PAMR1: variants seen among roughly 807,000 people sequenced by gnomAD.
PAMR1 encodes the protein peptidase domain containing associated with muscle regeneration 1.
Under a neutral mutation model 81.8 loss-of-function variants are expected in PAMR1, and 88 were observed. That is an observed-to-expected ratio of 1.08 (90% CI 0.91 to 1.28). PAMR1 has a LOEUF of 1.28. PAMR1 is among the 50% of genes most tolerant of loss of function. The pLI is 0.00. For synonymous variants in PAMR1, 336 were observed against 345.3 expected (o/e 0.97, Z 0.30); for missense variants, 935 against 919.7 (o/e 1.02, Z -0.21).
chr11:35,457,671 T>C (rs948928051), intron 6 of PAMR1, among the ~76,000 whole-genome samples: 1 of 152,134 alleles, frequency 6.6e-6, no homozygotes, highest in Non-Finnish European at 1.5e-5. Flanking sequence ...TGAGTGCAAG[T>C]AGTTCATTTA....
At position 35,449,132 on chromosome 11, in the gene PAMR1, G is replaced by A. The variant is rs539170645; in HGVS notation, c.821-7439C>T. 4.1e-4 allele frequency among the ~76,000 whole-genome samples: 63 copies of A among 152,356 alleles called. 1 individual carries two copies. The highest frequency in any genetic ancestry group is 1.5e-3 in the African/African-American group (62 of 41,588). On this transcript the variant is annotated intron_variant, in intron 6 of 10. Coordinates refer to ENST00000619888, the MANE Select transcript of PAMR1 (RefSeq NM_001001991.3). The stretch of plus-strand genomic sequence containing the variant: ...AGTCAGGAGGCACGATCAGGGACCT[G>A]CTTAATGAAGCAATCTGGCTGCCCC...
chr11:35,492,025 C>T lies in PAMR1; in HGVS notation c.379+20G>A, dbSNP rs550418485. 4 of 1,601,334 alleles carry T rather than the reference C, an allele frequency of 2.5e-6. No individual in the cohort carries two copies. Among genetic ancestry groups the T allele is most frequent in the African/African-American group, 2.7e-5 (2 of 74,500 alleles). ...AAGACAGTGTGCACTAGAGATGGAG[C>T]TAGGTCAAGGTCTACTTACGCATGC... On this transcript the variant is annotated intron_variant, in intron 3 of 10. Transcript: ENST00000619888.
intron 1 of PAMR1, among the ~76,000 whole-genome samples, chr11:35,519,059 C>T (rs1851222283): frequency 6.6e-6 from 1 of 152,228 alleles, no homozygotes; most frequent in South Asian, 2.1e-4. Flanking sequence ...GATAAAGATG[C>T]CCAGACTGCA....
chr11:35,495,786 T>C (rs2135403413), intron 1 of PAMR1, among the ~76,000 whole-genome samples: 1 of 152,326 alleles, frequency 6.6e-6, no homozygotes, highest in East Asian at 1.9e-4. Flanking sequence ...AGTAGAGCCA[T>C]TTAAATAAAC....
chr11:35,512,770 A>C (rs1170120460), intron 1 of PAMR1, among the ~76,000 whole-genome samples: 1 of 152,156 alleles, frequency 6.6e-6, no homozygotes, highest in Non-Finnish European at 1.5e-5. Flanking sequence ...AAGCTGGAGG[A>C]TCTCTTGAGC....
At chr11:35,504,712 G>T in intron 1 of PAMR1, among the ~76,000 whole-genome samples, 1 of 151,802 alleles carries the variant, frequency 6.6e-6, no homozygotes, top group Non-Finnish European at 1.5e-5. Context: ...TGTTTCTGTG[G>T]TCTTGGTTAT....
At chr11:35,497,908 A>G (rs936960954) in intron 1 of PAMR1, among the ~76,000 whole-genome samples, 75 of 152,308 alleles carry the variant, frequency 4.9e-4, no homozygotes, top group African/African-American at 1.7e-3. Flanking sequence ...TCATATTTTC[A>G]AAGGCTGAGA....
intron 8 of PAMR1, among the ~76,000 whole-genome samples, chr11:35,436,629 GTCTC>G (rs1047082583): frequency 4.2e-5 from 6 of 142,736 alleles, no homozygotes; most frequent in Non-Finnish European, 9.2e-5. Flanking sequence ...CTCTCTTTCT[GTCTC>G]TCTGTTTCTC....
chr11:35,454,084 C>T (rs964805795), intron 6 of PAMR1, among the ~76,000 whole-genome samples: 8 of 152,086 alleles, frequency 5.3e-5, no homozygotes, highest in African/African-American at 1.9e-4. Context: ...CTCATGTAAA[C>T]TGTCATGTCA....
At chr11:35,447,298 G>A (rs558850498) in intron 6 of PAMR1, among the ~76,000 whole-genome samples, 1 of 150,878 alleles carries the variant, frequency 6.6e-6, no homozygotes, top group South Asian at 2.1e-4. Context: ...TGCCTCCCAG[G>A]TTCATGCCAT....
At chr11:35,492,221 T>C in intron 2 of PAMR1, 48 bp from the exon 3 acceptor site, 2 of 1,606,722 alleles carry the variant, frequency 1.2e-6, no homozygotes, top group Non-Finnish European at 8.5e-7. Context: ...CACCTGCGAG[T>C]TCTGATCAGC....
chr11:35,487,916 C>T (rs1001722873), intron 3 of PAMR1, among the ~76,000 whole-genome samples: 2 of 152,166 alleles, frequency 1.3e-5, no homozygotes, highest in African/African-American at 2.4e-5. Context: ...CAAGACATGG[C>T]ACATAAAGTG....
In PAMR1 at chr11:35,434,496, G is replaced by T. The variant is rs1343338944; in HGVS notation, c.1626+16C>A. 1.2e-6 allele frequency: 2 copies of T among 1,604,588 alleles called. No individual in the cohort carries two copies. The highest frequency in any genetic ancestry group is 1.7e-6 in the Non-Finnish European group (2 of 1,173,002). On this transcript the variant is annotated intron_variant, in intron 10 of 10. Transcript: ENST00000619888. ...TGAGCCAGAGCCCCAGCTTCCAAGT[G>T]CAAGCCCTCTCTTACCTGTAGGCTC... is the stretch of plus-strand genomic sequence containing the variant.
intron 1 of PAMR1, among the ~76,000 whole-genome samples, chr11:35,514,571 G>C (rs1424651277): frequency 6.6e-6 from 1 of 152,220 alleles, no homozygotes; most frequent in Non-Finnish European, 1.5e-5. Context: ...CAACAACTGT[G>C]GTGCTGGAAA....
intron 8 of PAMR1, among the ~76,000 whole-genome samples, chr11:35,437,116 C>T (rs1359339492): frequency 6.6e-6 from 1 of 152,064 alleles, no homozygotes; most frequent in East Asian, 1.9e-4. Flanking sequence ...TTAAATGAGC[C>T]CTGAAGTTGG....
intron 1 of PAMR1, among the ~76,000 whole-genome samples, chr11:35,500,804 G>A (rs1447986488): frequency 6.6e-6 from 1 of 152,166 alleles, no homozygotes; most frequent in African/African-American, 2.4e-5. Flanking sequence ...GCATGTTACT[G>A]TACTGAATAC....
chr11:35,443,365 C>A (rs925228033), intron 6 of PAMR1, among the ~76,000 whole-genome samples: 3 of 152,158 alleles, frequency 2.0e-5, no homozygotes, highest in Non-Finnish European at 4.4e-5. Flanking sequence ...CCTCCCCTCA[C>A]AACCCCCTGA....
intron 4 of PAMR1, among the ~76,000 whole-genome samples, chr11:35,471,517 CA>C (rs755585798): frequency 6.6e-6 from 1 of 151,782 alleles, no homozygotes; most frequent in African/African-American, 2.4e-5. Flanking sequence ...ACAACAACAA[CA>C]AAAAAAACCT....
At chr11:35,491,242 T>G (rs1850619864) in intron 3 of PAMR1, among the ~76,000 whole-genome samples, 1 of 152,182 alleles carries the variant, frequency 6.6e-6, no homozygotes, top group Non-Finnish European at 1.5e-5. Flanking sequence ...CCACAGAGTC[T>G]TGAAACTGAT....
Sources: gnomAD v4.1 joint callset for allele counts (sites outside exome capture counted in the v4.1 genomes callset) on GRCh38, gnomAD v4.1.1 for gene constraint, MANE v1.5 for transcripts, NCBI Gene and HGNC (gene_info 2026-07-23, HGNC 2026-07-21) for gene names.